The following LPAR1 variants were observed in gnomAD, a reference collection of about 807,000 sequenced individuals.
LPAR1 encodes lysophosphatidic acid receptor 1, also known as LPA receptor 1.
A neutral mutation model predicts 23.8 loss-of-function variants in LPAR1; 5 were observed. The ratio of observed to expected loss-of-function variants is 0.21; its 90% CI spans 0.11 to 0.44. The LOEUF (loss-of-function observed/expected upper bound fraction) is 0.44. Ranked by LOEUF, LPAR1 falls within the 20% of genes least tolerant of loss-of-function variation. The probability of loss-of-function intolerance (pLI) is 0.99; values close to 1 mark genes in which losing one functional copy is unlikely to be tolerated. For synonymous variants in LPAR1, 160 were observed against 164.7 expected (o/e 0.97, Z 0.22); for missense variants, 311 against 482.8 (o/e 0.64, Z 3.33).
intron 2 of LPAR1, among the ~76,000 whole-genome samples, chr9:111,023,938 C>A (rs1374107988): frequency 6.6e-6 from 1 of 152,086 alleles, no homozygotes; most frequent in East Asian, 1.9e-4. Context: ...AACTAAATGT[C>A]CCAATAAAAC....
intron 5 of LPAR1, among the ~76,000 whole-genome samples, chr9:110,935,915 C>T (rs921489888): frequency 4.6e-5 from 7 of 152,214 alleles, no homozygotes; most frequent in Admixed American, 1.3e-4. Flanking sequence ...CTTGTCAAAA[C>T]TCCATCTGGC....
intron 2 of LPAR1, among the ~76,000 whole-genome samples, chr9:111,035,247 CAG>C (rs1429806351): frequency 6.6e-6 from 1 of 151,570 alleles, no homozygotes; most frequent in Non-Finnish European, 1.5e-5. Flanking sequence ...TTTTAAGAGA[CAG>C]AGTCTCTCTG....
At chr9:110,949,773 A>G (rs2095511150) in intron 4 of LPAR1, among the ~76,000 whole-genome samples, 1 of 152,236 alleles carries the variant, frequency 6.6e-6, no homozygotes, top group African/African-American at 2.4e-5. Flanking sequence ...TCTTCAAGAT[A>G]CACACAAACA....
chr9:111,020,573 C>A (rs1004745192), intron 2 of LPAR1, among the ~76,000 whole-genome samples: 1 of 152,156 alleles, frequency 6.6e-6, no homozygotes, highest in Non-Finnish European at 1.5e-5. Context: ...GAATTCTAGG[C>A]CAGGCATCTA....
At chr9:110,910,343 T>C (rs190232223) in intron 5 of LPAR1, among the ~76,000 whole-genome samples, 1 of 152,322 alleles carries the variant, frequency 6.6e-6, no homozygotes, top group African/African-American at 2.4e-5. Flanking sequence ...CATCTGTTTA[T>C]ATCATGGCTT....
intron 4 of LPAR1, among the ~76,000 whole-genome samples, chr9:110,962,585 T>A (rs574265430): frequency 6.6e-6 from 1 of 152,216 alleles, no homozygotes; most frequent in Non-Finnish European, 1.5e-5. Flanking sequence ...TACTAAAGGT[T>A]GTCTGAATCA....
upstream of LPAR1, chr9:111,038,786 C>T: frequency 3.0e-6 from 1 of 335,256 alleles, no homozygotes. The surrounding 1 kb of genome is among the most constrained non-coding windows in gnomAD (Gnocchi z 4.4). Context: ...CAGCCTCCCC[C>T]GCCCCGCCCC....
chr9:110,942,280 A>G, intron 4 of LPAR1, 112 bp from the exon 5 acceptor site: 1 of 905,770 alleles, frequency 1.1e-6, no homozygotes, highest in Non-Finnish European at 1.7e-6. Context: ...ACAAAAGCAA[A>G]TAATTTGAAC....
intron 5 of LPAR1, among the ~76,000 whole-genome samples, chr9:110,894,670 G>A (rs1403329046): frequency 6.6e-6 from 1 of 152,140 alleles, no homozygotes; most frequent in African/African-American, 2.4e-5. Context: ...TAACCCATCA[G>A]CATTTCTTGA....
At chr9:110,952,289 G>A (rs1344409896) in intron 4 of LPAR1, among the ~76,000 whole-genome samples, 2 of 152,142 alleles carry the variant, frequency 1.3e-5, no homozygotes, top group Non-Finnish European at 2.9e-5. Context: ...AGCCACAGGA[G>A]AGCCCCTCAA....
intron 2 of LPAR1, among the ~76,000 whole-genome samples, chr9:110,994,693 T>C (rs1366461190): frequency 2.0e-5 from 3 of 152,146 alleles, no homozygotes; most frequent in Non-Finnish European, 4.4e-5. Context: ...GAAGCAGTCA[T>C]CTTACATAAA....
intron 2 of LPAR1, among the ~76,000 whole-genome samples, chr9:111,003,097 T>C (rs1287390573): frequency 2.0e-5 from 3 of 152,220 alleles, no homozygotes; most frequent in Non-Finnish European, 4.4e-5. Context: ...GGAAATCCCC[T>C]GATCCTGTGG....
At chr9:110,984,325 A>C (rs115309923) in intron 2 of LPAR1, among the ~76,000 whole-genome samples, 1,648 of 152,178 alleles carry the variant, frequency 0.011, 29 homozygotes, top group African/African-American at 0.037. Flanking sequence ...AAATAAGAAC[A>C]TGCAAAGTTT....
At chr9:110,975,170 G>A (rs758222162) in intron 2 of LPAR1, among the ~76,000 whole-genome samples, 1 of 152,112 alleles carries the variant, frequency 6.6e-6, no homozygotes, top group Non-Finnish European at 1.5e-5. Flanking sequence ...ATGTCATTAA[G>A]CAATATAACC....
At chr9:111,028,587 A>C (rs1456370499) in intron 2 of LPAR1, among the ~76,000 whole-genome samples, 1 of 151,530 alleles carries the variant, frequency 6.6e-6, no homozygotes, top group East Asian at 1.9e-4. Context: ...AAATTATCTA[A>C]GGTGAAAATA....
chr9:110,880,515 A>G (rs1456181569), intron 5 of LPAR1, among the ~76,000 whole-genome samples: 1 of 152,232 alleles, frequency 6.6e-6, no homozygotes, highest in African/African-American at 2.4e-5. Flanking sequence ...TTGCCAGAGA[A>G]GACCTCTAGA....
At position 110,953,556 on chromosome 9, in the gene LPAR1, G is replaced by A. The variant is rs544399527; in HGVS notation, c.46-11388C>T. On this transcript the variant is annotated intron_variant, in intron 4 of 5. Transcript: ENST00000683809. ...CACATGCCTGTAATCCCAACTACTTGGGAGGCTGAGGCAGAAGAATGGCTT... is the reference window on the plus strand; with the variant it reads ...CACATGCCTGTAATCCCAACTACTTAGGAGGCTGAGGCAGAAGAATGGCTT... 7.4e-4 allele frequency among the ~76,000 whole-genome samples: 113 copies of A among 152,110 alleles called. 1 individual carries two copies. The highest frequency in any genetic ancestry group is 2.6e-3 in the African/African-American group (107 of 41,490).
At chr9:110,891,782 T>C (rs1388912279) in intron 5 of LPAR1, among the ~76,000 whole-genome samples, 1 of 152,182 alleles carries the variant, frequency 6.6e-6, no homozygotes, top group Non-Finnish European at 1.5e-5. Flanking sequence ...ATTAAGCACA[T>C]GAAAAGGCGA....
Position 110,942,174 on chromosome 9 carries a change from A to T in LPAR1, c.46-6T>A. The T allele has an allele frequency of 3.1e-6, 5 of 1,589,430 alleles. No individual in the cohort carries two copies. The highest frequency in any genetic ancestry group is 3.4e-6 in the Non-Finnish European group (4 of 1,170,794). On this transcript the variant is annotated splice_polypyrimidine_tract_variant and splice_region_variant and intron_variant, in intron 4 of 5. Coordinates refer to ENST00000683809, the MANE Select transcript of LPAR1 (RefSeq NM_001351411.2). ...GGTTCATTCATGGCTGTGAACTAAAAGAAAAAGGAGAAAAGATGATGAAAA... is the reference window on the plus strand; with the variant it reads ...GGTTCATTCATGGCTGTGAACTAAATGAAAAAGGAGAAAAGATGATGAAAA...
Sources: gnomAD v4.1 joint callset for allele counts (sites outside exome capture counted in the v4.1 genomes callset) on GRCh38, gnomAD v4.1.1 for gene constraint, Gnocchi (gnomAD v3.1) non-coding constraint, MANE v1.5 for transcripts, NCBI Gene and HGNC (gene_info 2026-07-23, HGNC 2026-07-21) for gene names.